ADAM28: variants seen among roughly 807,000 people sequenced by gnomAD.
ADAM28 encodes the protein disintegrin and metalloproteinase domain-containing protein 28.
Under a neutral mutation model 101.2 loss-of-function variants are expected in ADAM28, and 105 were observed. The ratio of observed to expected loss-of-function variants is 1.04; its 90% confidence interval spans 0.89 to 1.22. The LOEUF is 1.22. Among genes scored for constraint, ADAM28 ranks in the 50% most tolerant of loss-of-function variants. The pLI is 0.00. For synonymous variants in ADAM28, 322 were observed against 310.6 expected, an observed-to-expected ratio of 1.04 and a Z score of -0.39; for missense variants, 1,028 against 945.4, an observed-to-expected ratio of 1.09 and a Z score of -1.15.
chr8:24,310,573 C>G (rs910179291), intron 4 of ADAM28, among the ~76,000 whole-genome samples: 12 of 152,108 alleles, frequency 7.9e-5, no homozygotes, highest in Non-Finnish European at 1.5e-4. Flanking sequence ...GATTTGTGGT[C>G]TCTTCAGCCA....
Position 24,294,316 on chromosome 8 carries a change from C to T in ADAM28, c.46+121C>T, listed in dbSNP as rs981024887. 2.4e-5 allele frequency: 28 copies of T among 1,173,086 alleles called. No homozygotes were observed. The Admixed American group carries it at 5.5e-4, about 23-fold the overall frequency. The allele number at this position is 1,173,086 out of a possible 1,614,324, so 72.7% of individuals were successfully genotyped here. ...TTCTTTTTCTTTTTTCTCAATCAAT[C>T]TTACTAACCAGTTGGGCTGGTTTTA... On this transcript the variant is annotated intron_variant, in intron 1 of 22. Coordinates refer to ENST00000265769, the MANE Select transcript of ADAM28 (RefSeq NM_014265.6).
chr8:24,301,964 T>C (rs1352492895), intron 2 of ADAM28, among the ~76,000 whole-genome samples: 1 of 152,224 alleles, frequency 6.6e-6, no homozygotes, highest in African/African-American at 2.4e-5. Context: ...AGTTCTGGGA[T>C]ACATGTGCAG....
rs1267550203 is a variant in ADAM28, at chr8:24,349,951, A to G, written c.2078A>G (p.Glu693Gly). Residue 693 changes from glutamate to glycine, a missense_variant, in exon 19 of 23, where the codon GAA becomes GGA. Glu to Gly is a moderately conservative substitution (Grantham distance 98). Coordinates refer to ENST00000265769, the MANE Select transcript of ADAM28 (RefSeq NM_014265.6). ...GTAATCCGGCACCAGAGCTCCAGAGAAAAGCAGAAGAAAGATCAGAGGTGA... is the reference window on the plus strand; with the variant it reads ...GTAATCCGGCACCAGAGCTCCAGAGGAAAGCAGAAGAAAGATCAGAGGTGA... ...AMVIRHQSSR[E>G]KQKKDQRPLS... 1 of 1,613,654 alleles carries G rather than the reference A, an allele frequency of 6.2e-7. No homozygotes were observed.
At chr8:24,306,408 T>A (rs1053003765) in intron 2 of ADAM28, among the ~76,000 whole-genome samples, 2 of 132,866 alleles carry the variant, frequency 1.5e-5, no homozygotes, top group Non-Finnish European at 3.1e-5. Context: ...ATATATATGT[T>A]CCACACAACA....
rs1563279900 is a variant in ADAM28, at chr8:24,313,378, G to GT, written c.384-4dup. On this transcript the variant is annotated splice_polypyrimidine_tract_variant and intron_variant, in intron 5 of 22. Coordinates refer to ENST00000265769, the MANE Select transcript of ADAM28 (RefSeq NM_014265.6). ...TTTGTTAAGAAGCCAGAACTCTCATGTTTTTTCAGGGGCTACTTCAGTCAG... is the reference window on the plus strand; with the variant it reads ...TTTGTTAAGAAGCCAGAACTCTCATGTTTTTTTCAGGGGCTACTTCAGTCAG... 8.1e-6 allele frequency: 13 copies of GT among 1,599,396 alleles called. No individual in the cohort carries two copies. The highest frequency in any genetic ancestry group is 1.1e-5 in the South Asian group (1 of 88,298).
At chr8:24,308,816 G>C (rs1471023553) in intron 2 of ADAM28, 1 of 409,874 alleles carries the variant, frequency 2.4e-6, no homozygotes, top group African/African-American at 2.1e-5. Flanking sequence ...TCCCAGCACG[G>C]TGCTCATGAT....
chr8:24,342,605 G>A (rs757285663), intron 16 of ADAM28, among the ~76,000 whole-genome samples: 9 of 152,022 alleles, frequency 5.9e-5, no homozygotes, highest in Non-Finnish European at 8.8e-5. Context: ...CAAGGGCAAG[G>A]AATTTTATAT....
chr8:24,309,890 G>T lies in ADAM28; in HGVS notation c.151-4G>T, dbSNP rs762717941. On this transcript the variant is annotated splice_region_variant and splice_polypyrimidine_tract_variant and intron_variant, in intron 2 of 22. Transcript: ENST00000265769. ...TACAAGTAAATGTTTGTGTATTTTTGCAGGAACAATTTGAAACTGAATTAA... is the reference window on the plus strand; with the variant it reads ...TACAAGTAAATGTTTGTGTATTTTTTCAGGAACAATTTGAAACTGAATTAA... The T allele has an allele frequency of 4.6e-6, 7 of 1,532,384 alleles. No homozygotes were observed. Among genetic ancestry groups the T allele is most frequent in the African/African-American group, 1.4e-5 (1 of 72,672 alleles). 94.9% of individuals were successfully genotyped at this position (1,532,384 alleles called of 1,614,324 possible). A position where few individuals can be genotyped will look rare whatever the true frequency, so the allele number is the denominator to read the frequency against.
Position 24,335,249 on chromosome 8 carries a change from T to G in ADAM28, c.1372-197T>G, listed in dbSNP as rs1395321203. On this transcript the variant is annotated intron_variant, in intron 13 of 22. Transcript: ENST00000265769. ...AAATTCAGAAATATTGCTTAAAAAC[T>G]TAGGGCATTAACCAATATTAATAGA... Among the ~76,000 whole-genome samples, 3 of 152,016 alleles carry G rather than the reference T, an allele frequency of 2.0e-5. No individual in the cohort carries two copies. The East Asian group carries it at 5.8e-4, about 29-fold the overall frequency.
intron 16 of ADAM28, chr8:24,342,824 T>C (rs1341028474): frequency 2.6e-6 from 1 of 382,528 alleles, no homozygotes; most frequent in East Asian, 4.7e-5. Flanking sequence ...TTATTGCTTA[T>C]CCCTTAACTT....
At chr8:24,320,115 A>C (rs1348504786) in intron 6 of ADAM28, 121 bp from the exon 7 acceptor site, 8 of 701,988 alleles carry the variant, frequency 1.1e-5, no homozygotes, top group Non-Finnish European at 2.0e-5. Context: ...TTAAAATGCT[A>C]ATATTGTCTG....
chr8:24,300,791 C>T (rs1401019590), intron 2 of ADAM28: 1 of 152,162 alleles, frequency 6.6e-6, no homozygotes, highest in Non-Finnish European at 1.5e-5. Flanking sequence ...ATCTATCCAT[C>T]CTTCCAAACA....
rs991803669 is a variant in ADAM28 at position 24,357,760 on chromosome 8, CTT to C, written c.*3362_*3363del. 5.4e-4 allele frequency: 8 copies of C among 14,864 alleles called. No individual in the cohort carries two copies. The East Asian group carries it at 0.023, about 43-fold the overall frequency. 0.9% of individuals were successfully genotyped at this position (14,864 alleles called of 1,614,324 possible). On this transcript the variant is annotated 3_prime_UTR_variant, in exon 23 of 23. Coordinates refer to ENST00000265769, the MANE Select transcript of ADAM28 (RefSeq NM_014265.6). ...TTAATAGGCTTTCATCACTGCAAAA[CTT>C]TTTTTCCTTTCTTTGTGTCTCTAGT...
At position 24,356,367 on chromosome 8, in the gene ADAM28, C is replaced by T. The variant is rs918707908; in HGVS notation, c.*1963C>T. 1 of 152,092 alleles carries T rather than the reference C, an allele frequency of 6.6e-6. No homozygotes were observed. Among genetic ancestry groups the T allele is most frequent in the Non-Finnish European group, 1.5e-5 (1 of 68,018 alleles). 9.4% of individuals were successfully genotyped at this position (152,092 alleles called of 1,614,324 possible). ...GAATGGAAATCTTAAATCTATGAAT[C>T]CTCAACTAGCCATGTACCATAACCC... is the stretch of plus-strand genomic sequence containing the variant. On this transcript the variant is annotated 3_prime_UTR_variant, in exon 23 of 23. Transcript: ENST00000265769.
In ADAM28 at chr8:24,335,692, A is replaced by G. The variant is rs1270532244; in HGVS notation, c.1567+51A>G. The G allele has an allele frequency of 3.3e-6, 5 of 1,493,084 alleles. No homozygotes were observed. In the Admixed American group the frequency reaches 9.5e-5, roughly 28 times the overall value. 92.5% of individuals were successfully genotyped at this position (1,493,084 alleles called of 1,614,324 possible). ...TGCATGTGCGAAGGAAAATCATTTC[A>G]GATGACAGTGTTTAACCATGGTCAA... On this transcript the variant is annotated intron_variant, in intron 14 of 22. Transcript: ENST00000265769.
intron 1 of ADAM28, among the ~76,000 whole-genome samples, chr8:24,295,429 A>G (rs1393827670): frequency 6.6e-6 from 1 of 152,086 alleles, no homozygotes; most frequent in African/African-American, 2.4e-5. Flanking sequence ...TTTAACATTG[A>G]CCTGAAATTC....
At position 24,294,103 on chromosome 8, in the gene ADAM28, C is replaced by T; in HGVS notation, c.-47C>T. ...GAGGCAGGGACAGACCCAGCAGCACCCACCTGAGCGAGAAGAGCAGACACC... is the reference window on the plus strand; with the variant it reads ...GAGGCAGGGACAGACCCAGCAGCACTCACCTGAGCGAGAAGAGCAGACACC... On this transcript the variant is annotated 5_prime_UTR_variant, in exon 1 of 23. Coordinates refer to ENST00000265769, the MANE Select transcript of ADAM28 (RefSeq NM_014265.6). 1.2e-6 allele frequency: 2 copies of T among 1,611,424 alleles called. No individual in the cohort carries two copies. The highest frequency in any genetic ancestry group is 1.7e-6 in the Non-Finnish European group (2 of 1,177,642).
chr8:24,351,642 T>C (rs1031977593), intron 20 of ADAM28: 18 of 468,492 alleles, frequency 3.8e-5, no homozygotes, highest in African/African-American at 7.9e-5. Flanking sequence ...ATTGACAAAA[T>C]AGATACAAAA....
chr8:24,345,957 G>GT (rs1423701100), intron 18 of ADAM28, among the ~76,000 whole-genome samples: 1 of 151,538 alleles, frequency 6.6e-6, no homozygotes, highest in Non-Finnish European at 1.5e-5. Context: ...CCCAAGCCTT[G>GT]TTTTTTTTAG....
Sources: allele counts gnomAD v4.1 joint callset (sites outside exome capture counted in the v4.1 genomes callset), GRCh38; gene constraint gnomAD v4.1.1; transcripts MANE v1.5; gene names NCBI Gene and HGNC (gene_info 2026-07-23, HGNC 2026-07-21).